IFNGR2: variants seen among roughly 807,000 people sequenced by gnomAD.
IFNGR2 encodes the protein interferon gamma receptor 2, also known as IFN-gamma receptor 2.
IFNGR2 carries 15 observed loss-of-function variants against 41.1 expected under a neutral mutation model. That is an observed-to-expected ratio of 0.37 (90% CI 0.24 to 0.56). IFNGR2 has a LOEUF of 0.56. Among genes scored for constraint, IFNGR2 ranks in the 20% least tolerant of loss-of-function variants. IFNGR2 has a pLI of 0.81. For synonymous variants in IFNGR2, 161 were observed against 171.6 expected (o/e 0.94, Z 0.48); for missense variants, 362 against 415.7 (o/e 0.87, Z 1.12).
In IFNGR2 at chr21:33,428,647, CG is replaced by C. The variant is rs369942549; in HGVS notation, c.561+1616del. 9.2e-5 allele frequency among the ~76,000 whole-genome samples: 14 copies of C among 152,220 alleles called. No individual in the cohort carries two copies. In the East Asian group the frequency reaches 2.1e-3, roughly 23 times the overall value. On this transcript the variant is annotated intron_variant, in intron 4 of 6. Coordinates refer to ENST00000290219, the MANE Select transcript of IFNGR2 (RefSeq NM_005534.4). ...CCATATCAGAGCTCAAGATCTGGGT[CG>C]ATTAGAATAGAGGGAGCCTGGCAGA...
rs188848750 is a variant in IFNGR2, at chr21:33,408,051, T to A, written c.73+4435T>A. Reference sequence around the variant, plus strand: ...CACCTAATTGACTTTCATCATAATGTCCCCGCCCCCAATAGAAAGATCCTA... The same window carrying A: ...CACCTAATTGACTTTCATCATAATGACCCCGCCCCCAATAGAAAGATCCTA... On this transcript the variant is annotated intron_variant, in intron 1 of 6. Transcript: ENST00000290219. 3.9e-5 allele frequency among the ~76,000 whole-genome samples: 6 copies of A among 152,158 alleles called. No homozygotes were observed. In the East Asian group the frequency reaches 1.2e-3, roughly 29 times the overall value.
intron 2 of IFNGR2, among the ~76,000 whole-genome samples, chr21:33,419,707 T>C (rs1427633404): frequency 6.6e-6 from 1 of 152,202 alleles, no homozygotes; most frequent in Admixed American, 6.5e-5. Flanking sequence ...ACATGAATCA[T>C]ATCTGGTTAT....
At chr21:33,431,307 C>A (rs1411507033) in intron 4 of IFNGR2, among the ~76,000 whole-genome samples, 3 of 152,160 alleles carry the variant, frequency 2.0e-5, no homozygotes, top group African/African-American at 7.2e-5. Flanking sequence ...CGGTGGCTCA[C>A]GCCTATAATC....
At chr21:33,404,929 C>A (rs1159633616) in intron 1 of IFNGR2, among the ~76,000 whole-genome samples, 2 of 152,108 alleles carry the variant, frequency 1.3e-5, no homozygotes, top group Non-Finnish European at 2.9e-5. Context: ...TCGAGACCAG[C>A]TTGACCAACA....
intron 1 of IFNGR2, among the ~76,000 whole-genome samples, chr21:33,409,729 G>T (rs930951915): frequency 1.3e-5 from 2 of 152,146 alleles, no homozygotes; most frequent in Non-Finnish European, 2.9e-5. Context: ...TAGGTATGGC[G>T]CTTGAGACTC....
chr21:33,421,353 G>C (rs980570892), intron 2 of IFNGR2, 127 bp from the exon 3 acceptor site: 19 of 661,064 alleles, frequency 2.9e-5, no homozygotes, highest in Non-Finnish European at 4.2e-5. Context: ...AAAAAAAAGC[G>C]GGGGGGAACT....
intron 3 of IFNGR2, among the ~76,000 whole-genome samples, chr21:33,424,026 C>T (rs1478030016): frequency 1.3e-5 from 2 of 152,006 alleles, no homozygotes; most frequent in African/African-American, 2.4e-5. Context: ...GATGGCTGGG[C>T]GCAGTGGCTC....
rs540074508 is a variant in IFNGR2, at chr21:33,408,617, G to A, written c.73+5001G>A. Among the ~76,000 whole-genome samples the A allele has an allele frequency of 2.0e-5, 3 of 152,270 alleles. No homozygotes were observed. In the South Asian group the frequency reaches 6.2e-4, roughly 32 times the overall value. Reference sequence around the variant, plus strand: ...TTCACCTCTTCACTGGTTGTTAAATGGTCCTAGTGTTTGGCCCTGAGTGTA... The same window carrying A: ...TTCACCTCTTCACTGGTTGTTAAATAGTCCTAGTGTTTGGCCCTGAGTGTA... On this transcript the variant is annotated intron_variant, in intron 1 of 6. Transcript: ENST00000290219.
At chr21:33,408,673 A>G (rs2083694939) in intron 1 of IFNGR2, among the ~76,000 whole-genome samples, 3 of 152,214 alleles carry the variant, frequency 2.0e-5, no homozygotes. Context: ...AATGTAGAGA[A>G]TAGTCTACTT....
intron 1 of IFNGR2, among the ~76,000 whole-genome samples, chr21:33,408,283 A>G (rs7281873): frequency 0.21 from 31,316 of 151,508 alleles, 4,029 homozygotes; most frequent in East Asian, 0.42. Flanking sequence ...TGCAACCTCC[A>G]CCTCCCGGGT....
In IFNGR2 at chr21:33,432,156, CT is replaced by C; in HGVS notation, c.562-19del. 1 of 1,611,058 alleles carries C rather than the reference CT, an allele frequency of 6.2e-7. No homozygotes were observed. Among genetic ancestry groups the C allele is most frequent in the Non-Finnish European group, 8.5e-7 (1 of 1,177,178 alleles). ...TTGGCCATGTTCATTTACATGTGTG[CT>C]TGTGATGTTTTTAAAACAGGTCAAA... On this transcript the variant is annotated intron_variant, in intron 4 of 6. Transcript: ENST00000290219.
chr21:33,415,487 T>C (rs2083747578), intron 2 of IFNGR2, among the ~76,000 whole-genome samples: 1 of 152,248 alleles, frequency 6.6e-6, no homozygotes, highest in South Asian at 2.1e-4. Flanking sequence ...CCTGGCTCTT[T>C]CATCTGTCTC....
rs1018290590 is a variant in IFNGR2 at position 33,405,892 on chromosome 21, G to A, written c.73+2276G>A. Among the ~76,000 whole-genome samples the A allele has an allele frequency of 3.3e-5, 5 of 151,976 alleles. No homozygotes were observed. The South Asian group carries it at 6.2e-4, about 19-fold the overall frequency. ...ACCAAAAATACAAAAATTAGGGGGC[G>A]TGATGGTACACACCTGTGTCCCAGC... On this transcript the variant is annotated intron_variant, in intron 1 of 6. Transcript: ENST00000290219.
Position 33,426,383 on chromosome 21 carries a change from A to G in IFNGR2, c.413-501A>G, listed in dbSNP as rs552455167. The stretch of plus-strand genomic sequence containing the variant: ...AGTTGAGATTGCACCACTGCACTCC[A>G]GCCTGGGTGATATGTGCGAGATTCC... On this transcript the variant is annotated intron_variant, in intron 3 of 6. Coordinates refer to ENST00000290219, the MANE Select transcript of IFNGR2 (RefSeq NM_005534.4). 2.2e-4 allele frequency among the ~76,000 whole-genome samples: 34 copies of G among 152,198 alleles called. 1 individual carries two copies. In the South Asian group the frequency reaches 6.2e-3, roughly 28 times the overall value.
chr21:33,425,108 C>T (rs569899637), intron 3 of IFNGR2, among the ~76,000 whole-genome samples: 5 of 152,236 alleles, frequency 3.3e-5, no homozygotes, highest in South Asian at 2.1e-4. Flanking sequence ...TTAGTAGAAA[C>T]GGCATTTCTC....
At chr21:33,422,029 C>T (rs940431134) in intron 3 of IFNGR2, among the ~76,000 whole-genome samples, 3 of 152,256 alleles carry the variant, frequency 2.0e-5, no homozygotes, top group African/African-American at 7.2e-5. Flanking sequence ...GTTGAGCCTG[C>T]AAAGTCTAAA....
Position 33,432,168 on chromosome 21 carries a change from T to C in IFNGR2, c.562-9T>C. 6.2e-7 allele frequency: 1 copy of C among 1,613,622 alleles called. No individual in the cohort carries two copies. On this transcript the variant is annotated splice_polypyrimidine_tract_variant and intron_variant, in intron 4 of 6. Coordinates refer to ENST00000290219, the MANE Select transcript of IFNGR2 (RefSeq NM_005534.4). ...ATTTACATGTGTGCTTGTGATGTTT[T>C]TAAAACAGGTCAAAGGCCCTTTCAG...
chr21:33,425,911 G>A (rs1256556304), intron 3 of IFNGR2, among the ~76,000 whole-genome samples: 2 of 152,224 alleles, frequency 1.3e-5, no homozygotes, highest in African/African-American at 4.8e-5. Context: ...TGTAAAATGT[G>A]CAGACATTGG....
intron 1 of IFNGR2, among the ~76,000 whole-genome samples, chr21:33,406,008 G>A (rs1388107047): frequency 1.3e-5 from 2 of 152,020 alleles, no homozygotes; most frequent in Non-Finnish European, 2.9e-5. Flanking sequence ...CAGCCTGGGC[G>A]ACAAGAGCAA....
Sources: allele counts gnomAD v4.1 joint callset (sites outside exome capture counted in the v4.1 genomes callset), GRCh38; gene constraint gnomAD v4.1.1; transcripts MANE v1.5; gene names NCBI Gene and HGNC (gene_info 2026-07-23, HGNC 2026-07-21).